Variants in DYRK1A observed in about 807,000 individuals in gnomAD.
DYRK1A encodes dual specificity tyrosine phosphorylation regulated kinase 1A.
DYRK1A carries 9 observed loss-of-function variants against 79.7 expected under a neutral mutation model. The observed-to-expected ratio is 0.11, with a 90% confidence interval of 0.07 to 0.20. The LOEUF is 0.20. Ranked by LOEUF, DYRK1A falls within the 10% of genes least tolerant of loss-of-function variation. DYRK1A has a pLI of 1.00. For synonymous variants in DYRK1A, 349 were observed against 329.7 expected (o/e 1.06, Z -0.63); for missense variants, 622 against 956.0 (o/e 0.65, Z 4.61).
chr21:37,399,284 G>A (rs1185322951), intron 1 of DYRK1A, among the ~76,000 whole-genome samples: 2 of 152,108 alleles, frequency 1.3e-5, no homozygotes, highest in African/African-American at 4.8e-5. Flanking sequence ...AGACCCATAA[G>A]ACTCTTCCTC....
In DYRK1A at chr21:37,511,914, C is replaced by T. The variant is rs757222616; in HGVS notation, c.1648C>T (p.Arg550Cys). ...MDCETHSPQV[R>C]QQFPAPLGWS... ...TTTTAAAAATCTGTTCTTTCAGGTG[C>T]GTCAGCAATTTCCTGCTCCTCTTGG... The change falls in exon 12 of 12, where the codon CGT becomes TGT. Residue 550 changes from arginine to cysteine, a missense_variant. Coordinates refer to ENST00000647188, the MANE Select transcript of DYRK1A (RefSeq NM_001347721.2). 2.4e-5 allele frequency: 39 copies of T among 1,608,964 alleles called. No homozygotes were observed. The highest frequency in any genetic ancestry group is 1.8e-4 in the South Asian group (16 of 90,904).
intron 2 of DYRK1A, 91 bp downstream of exon 2, chr21:37,420,475 A>G (rs2050445653): frequency 1.5e-6 from 2 of 1,324,704 alleles, no homozygotes; most frequent in Admixed American, 3.5e-5. Flanking sequence ...TCTGATAAAT[A>G]GCAGTTAGTG....
At chr21:37,430,454 C>G in intron 2 of DYRK1A, 2 of 973,148 alleles carry the variant, frequency 2.1e-6, no homozygotes, top group Non-Finnish European at 2.4e-6. Flanking sequence ...TCAACTTGCA[C>G]TAGGATAGTT....
chr21:37,511,469 T>C (rs1015624263), intron 11 of DYRK1A, among the ~76,000 whole-genome samples: 2 of 152,220 alleles, frequency 1.3e-5, no homozygotes, highest in East Asian at 1.9e-4. Flanking sequence ...TTCTTGCTCA[T>C]GGGTTGGACA....
intron 4 of DYRK1A, 90 bp from the exon 5 acceptor site, chr21:37,480,548 A>G (rs1442849864): frequency 3.0e-6 from 3 of 1,006,494 alleles, no homozygotes; most frequent in South Asian, 2.1e-5. Context: ...TGTCAACTGT[A>G]GAAAATAGGT....
At chr21:37,491,217 A>G (rs990841185) in intron 7 of DYRK1A, among the ~76,000 whole-genome samples, 13 of 152,168 alleles carry the variant, frequency 8.5e-5, no homozygotes, top group African/African-American at 3.1e-4. Flanking sequence ...GATTTAGGAA[A>G]GCAGTTTTTT....
chr21:37,432,733 C>G (rs1421504464), intron 2 of DYRK1A, among the ~76,000 whole-genome samples: 1 of 152,002 alleles, frequency 6.6e-6, no homozygotes, highest in East Asian at 1.9e-4. Flanking sequence ...GTTTCCGTGT[C>G]TCAAGCATCA....
chr21:37,420,425 G>C (rs1422399924), intron 2 of DYRK1A, 41 bp downstream of exon 2: 3 of 1,603,628 alleles, frequency 1.9e-6, no homozygotes, highest in Non-Finnish European at 2.6e-6. Context: ...CTGGCTAAGA[G>C]AATGTGGGAA....
rs749207211 is a variant in DYRK1A, at chr21:37,490,443, T to C, written c.906T>C (p.Ser302=). 6.2e-7 allele frequency: 1 copy of C among 1,613,330 alleles called. No homozygotes were observed. The highest frequency in any genetic ancestry group is 1.1e-5 in the South Asian group (1 of 91,024). Residue 302 remains serine (S), a synonymous_variant, in exon 7 of 12, where the codon TCT becomes TCC. Transcript: ENST00000647188. ...SAIKIVDFGS[S]CQLGQRIYQY... Reference sequence around the variant, plus strand: ...TCAAGATAGTTGACTTTGGCAGTTCTTGTCAGTTGGGGCAGAGGGTAAGTA... The same window carrying C: ...TCAAGATAGTTGACTTTGGCAGTTCCTGTCAGTTGGGGCAGAGGGTAAGTA...
At chr21:37,422,667 T>A (rs1316797622) in intron 2 of DYRK1A, among the ~76,000 whole-genome samples, 5 of 152,172 alleles carry the variant, frequency 3.3e-5, no homozygotes, top group Non-Finnish European at 1.5e-5. Flanking sequence ...GTTTTCAGAG[T>A]AACTTTGTGA....
At chr21:37,387,255 C>T (rs1353458221) in intron 1 of DYRK1A, among the ~76,000 whole-genome samples, 4 of 152,170 alleles carry the variant, frequency 2.6e-5, no homozygotes, top group East Asian at 1.9e-4. Context: ...ATTAAGCCAC[C>T]TATCACACTT....
chr21:37,511,975 T>C lies in DYRK1A; in HGVS notation c.1709T>C (p.Val570Ala). The C allele has an allele frequency of 6.2e-7, 1 of 1,614,178 alleles. No homozygotes were observed. Among genetic ancestry groups the C allele is most frequent in the South Asian group, 1.1e-5 (1 of 91,080 alleles). ...SGTEAPTQVT[V>A]ETHPVQETTF... ...ACTGAAGCTCCTACACAGGTCACTG[T>C]TGAAACTCATCCTGTTCAAGAAACA... The change falls in exon 12 of 12, where the codon GTT (valine) becomes GCT (alanine). Residue 570 changes from valine to alanine, a missense_variant. Coordinates refer to ENST00000647188, the MANE Select transcript of DYRK1A (RefSeq NM_001347721.2).
intron 1 of DYRK1A, among the ~76,000 whole-genome samples, chr21:37,413,850 A>T (rs1277732618): frequency 1.3e-5 from 2 of 152,250 alleles, no homozygotes; most frequent in East Asian, 3.9e-4. Context: ...ACTTGTCTTC[A>T]TGGCTCTTGG....
intron 2 of DYRK1A, among the ~76,000 whole-genome samples, chr21:37,421,119 G>A (rs1365752986): frequency 6.6e-6 from 1 of 151,924 alleles, no homozygotes; most frequent in African/African-American, 2.4e-5. Context: ...CTTAAATTAG[G>A]CATATTATAA....
chr21:37,514,837 A>T lies in DYRK1A; in HGVS notation c.*2306A>T, dbSNP rs1272086973. ...GTTAAGATATCATATGGGTCAGGTC[A>T]TTTTTTTTTTCTGTGCTGGTTGCCA... is the stretch of plus-strand genomic sequence containing the variant. On this transcript the variant is annotated 3_prime_UTR_variant, in exon 12 of 12. Coordinates refer to ENST00000647188, the MANE Select transcript of DYRK1A (RefSeq NM_001347721.2). The T allele has an allele frequency of 2.7e-5, 4 of 150,612 alleles. No individual in the cohort carries two copies. Among genetic ancestry groups the T allele is most frequent in the Non-Finnish European group, 5.9e-5 (4 of 67,342 alleles). 9.3% of individuals were successfully genotyped at this position (150,612 alleles called of 1,614,324 possible).
intron 3 of DYRK1A, among the ~76,000 whole-genome samples, chr21:37,477,009 C>T (rs986112702): frequency 5.3e-5 from 8 of 152,226 alleles, no homozygotes; most frequent in East Asian, 1.9e-4. Context: ...ATTTACAGCA[C>T]GTAAAATGCT....
At chr21:37,466,650 A>G (rs1388781964) in intron 2 of DYRK1A, among the ~76,000 whole-genome samples, 1 of 152,202 alleles carries the variant, frequency 6.6e-6, no homozygotes, top group Non-Finnish European at 1.5e-5. Context: ...AAGCTTTACT[A>G]GAAATAAAGA....
At chr21:37,444,162 A>AT (rs2051193460) in intron 2 of DYRK1A, among the ~76,000 whole-genome samples, 1 of 152,230 alleles carries the variant, frequency 6.6e-6, no homozygotes, top group South Asian at 2.1e-4. Context: ...ACCTTTTATT[A>AT]TAAATATTTA....
intron 2 of DYRK1A, among the ~76,000 whole-genome samples, chr21:37,471,806 GT>G (rs1434515653): frequency 2.0e-5 from 3 of 152,144 alleles, no homozygotes; most frequent in African/African-American, 7.2e-5. Context: ...CTGTTAGCTG[GT>G]TCATTCAGGA....
Sources: gnomAD v4.1 joint callset for allele counts (sites outside exome capture counted in the v4.1 genomes callset) on GRCh38, gnomAD v4.1.1 for gene constraint, MANE v1.5 for transcripts, NCBI Gene and HGNC (gene_info 2026-07-23, HGNC 2026-07-21) for gene names.